LRRC4C: variants seen among roughly 807,000 people sequenced by gnomAD.
The protein encoded by LRRC4C is leucine rich repeat containing 4C.
In LRRC4C, 5 loss-of-function variants were observed where a neutral mutation model predicts 33.6. That is an observed-to-expected ratio of 0.15 (90% CI 0.08 to 0.31). The LOEUF is 0.31. Among genes scored for constraint, LRRC4C ranks in the 10% least tolerant of loss-of-function variants. The probability of loss-of-function intolerance (pLI) is 1.00; values close to 1 mark genes in which losing one functional copy is unlikely to be tolerated. For synonymous variants in LRRC4C, 329 were observed against 302.0 expected (o/e 1.09, Z -0.93); for missense variants, 560 against 796.7 (o/e 0.70, Z 3.58).
At position 40,334,591 on chromosome 11, in the gene LRRC4C, A is replaced by C. The variant is rs77989468; in HGVS notation, c.-269-14870T>G. 5.1e-3 allele frequency among the ~76,000 whole-genome samples: 775 copies of C among 152,342 alleles called. 7 individuals are homozygous for C. Among genetic ancestry groups the C allele is most frequent in the African/African-American group, 0.018 (741 of 41,582 alleles). ...TTGCAATAATCAAATAATTCTAAGC[A>C]CATTAATGAACAAAGAATACTTCTG... On this transcript the variant is annotated intron_variant, in intron 3 of 6. Coordinates refer to ENST00000528697, the MANE Select transcript of LRRC4C (RefSeq NM_001258419.2).
At chr11:41,333,964 T>G (rs2137398645) in intron 1 of LRRC4C, among the ~76,000 whole-genome samples, 1 of 152,304 alleles carries the variant, frequency 6.6e-6, no homozygotes, top group Admixed American at 6.5e-5. Context: ...TATAATTATC[T>G]CAGAGGGTTG....
chr11:40,313,282 C>T (rs574899250), intron 4 of LRRC4C, among the ~76,000 whole-genome samples: 1 of 152,166 alleles, frequency 6.6e-6, no homozygotes, highest in South Asian at 2.1e-4. Flanking sequence ...GTTATTATCA[C>T]TGTTATAGAT....
At chr11:40,153,637 A>C (rs532462129) in intron 5 of LRRC4C, among the ~76,000 whole-genome samples, 62 of 152,162 alleles carry the variant, frequency 4.1e-4, no homozygotes, top group Non-Finnish European at 7.8e-4. Context: ...ACTTTTAGAA[A>C]TGAAAAATGC....
Position 41,217,235 on chromosome 11 carries a change from A to C in LRRC4C, c.-496+242196T>G, listed in dbSNP as rs543734664. ...GAAATTACTTAATGACACTAACTTA[A>C]AATGGAACACTTGAATTTTCTTTCT... is the stretch of plus-strand genomic sequence containing the variant. On this transcript the variant is annotated intron_variant, in intron 1 of 6. Coordinates refer to ENST00000528697, the MANE Select transcript of LRRC4C (RefSeq NM_001258419.2). Among the ~76,000 whole-genome samples the C allele has an allele frequency of 2.6e-5, 4 of 152,222 alleles. No homozygotes were observed. In the South Asian group the frequency reaches 6.2e-4, roughly 24 times the overall value.
chr11:40,713,291 G>T (rs1326525519), intron 2 of LRRC4C, among the ~76,000 whole-genome samples: 21 of 152,154 alleles, frequency 1.4e-4, no homozygotes, highest in Admixed American at 1.2e-3. Context: ...AATATTTGAA[G>T]TTCTGCTATT....
chr11:40,551,926 A>C (rs1957140801), intron 3 of LRRC4C, among the ~76,000 whole-genome samples: 1 of 152,232 alleles, frequency 6.6e-6, no homozygotes, highest in Admixed American at 6.5e-5. Context: ...CATTTAAGTT[A>C]GTAGACTTTG....
intron 3 of LRRC4C, among the ~76,000 whole-genome samples, chr11:40,471,827 A>G (rs1353231481): frequency 1.3e-5 from 2 of 152,206 alleles, no homozygotes; most frequent in Non-Finnish European, 2.9e-5. Flanking sequence ...ACAGACATCT[A>G]CAGAACTCTC....
At chr11:41,077,723 GCTC>G (rs1191957598) in intron 1 of LRRC4C, among the ~76,000 whole-genome samples, 5 of 152,118 alleles carry the variant, frequency 3.3e-5, no homozygotes, top group Non-Finnish European at 1.5e-5. Context: ...TTAACATCCT[GCTC>G]CTCATTACCT....
chr11:40,455,963 G>A (rs1952113541), intron 3 of LRRC4C, among the ~76,000 whole-genome samples: 1 of 152,120 alleles, frequency 6.6e-6, no homozygotes, highest in African/African-American at 2.4e-5. Context: ...ATGAGGAAGT[G>A]TGGAATTGCC....
chr11:41,126,193 A>T (rs1393310505), intron 1 of LRRC4C, among the ~76,000 whole-genome samples: 1 of 152,030 alleles, frequency 6.6e-6, no homozygotes, highest in Non-Finnish European at 1.5e-5. Context: ...AAATTAAATT[A>T]AATTAAATTA....
chr11:40,633,385 T>TTCTTTCTCTCTCTCTCTC (rs1555125632), intron 3 of LRRC4C, among the ~76,000 whole-genome samples: 14 of 96,190 alleles, frequency 1.5e-4, no homozygotes, highest in South Asian at 3.4e-4. Context: ...CTCTCTTTCT[T>TTCTTTCTCTCTCTCTCTC]TCTTTCTTTC....
At chr11:40,989,781 A>G (rs1198827769) in intron 1 of LRRC4C, among the ~76,000 whole-genome samples, 1 of 152,120 alleles carries the variant, frequency 6.6e-6, no homozygotes, top group East Asian at 1.9e-4. Flanking sequence ...GAATCTTAGC[A>G]TTTAATGTGT....
chr11:40,546,645 A>G (rs1170153136), intron 3 of LRRC4C, among the ~76,000 whole-genome samples: 1 of 152,148 alleles, frequency 6.6e-6, no homozygotes, highest in Non-Finnish European at 1.5e-5. Flanking sequence ...TGCAATGCAT[A>G]CTTGCTAAAA....
chr11:41,166,189 G>A (rs1223547047), intron 1 of LRRC4C, among the ~76,000 whole-genome samples: 2 of 151,624 alleles, frequency 1.3e-5, no homozygotes, highest in African/African-American at 4.8e-5. Context: ...ATATTAAATT[G>A]CATATTAAGT....
At chr11:41,196,195 C>T (rs112443308) in intron 1 of LRRC4C, among the ~76,000 whole-genome samples, 6 of 152,138 alleles carry the variant, frequency 3.9e-5, no homozygotes, top group African/African-American at 1.4e-4. Flanking sequence ...AAGACATTCT[C>T]CCTCAAGTCA....
intron 5 of LRRC4C, among the ~76,000 whole-genome samples, chr11:40,220,760 A>G (rs568203630): frequency 6.6e-6 from 1 of 152,206 alleles, no homozygotes. Context: ...GTACACAAAA[A>G]TATTAAAAAC....
intron 5 of LRRC4C, among the ~76,000 whole-genome samples, chr11:40,189,028 A>G (rs1565109319): frequency 6.6e-6 from 1 of 152,202 alleles, no homozygotes; most frequent in Non-Finnish European, 1.5e-5. Flanking sequence ...TTGTGTGTCA[A>G]CAAAACCAGT....
chr11:40,325,441 C>T (rs763044388), intron 3 of LRRC4C, among the ~76,000 whole-genome samples: 8 of 151,976 alleles, frequency 5.3e-5, no homozygotes, highest in East Asian at 1.9e-4. Flanking sequence ...AGATCAGCCT[C>T]GGCAATATAG....
At chr11:40,401,801 C>A (rs1751858863) in intron 3 of LRRC4C, among the ~76,000 whole-genome samples, 1 of 152,092 alleles carries the variant, frequency 6.6e-6, no homozygotes, top group African/African-American at 2.4e-5. Context: ...AATTCACAAT[C>A]TGATACTTCA....
Sources: gnomAD v4.1 joint callset for allele counts (sites outside exome capture counted in the v4.1 genomes callset) on GRCh38, gnomAD v4.1.1 for gene constraint, MANE v1.5 for transcripts, NCBI Gene and HGNC (gene_info 2026-07-23, HGNC 2026-07-21) for gene names.